Variants in CA10 observed in about 807,000 individuals in gnomAD.
CA10 encodes carbonic anhydrase 10 (inactive).
In CA10, 14 loss-of-function variants were observed where a neutral mutation model predicts 44.2. That is an observed-to-expected ratio of 0.32 (90% CI 0.21 to 0.50). The LOEUF (loss-of-function observed/expected upper bound fraction) is 0.50, where lower values mean the gene tolerates loss of function less well. Ranked by LOEUF, CA10 falls within the 20% of genes least tolerant of loss-of-function variation. The probability of loss-of-function intolerance (pLI) is 0.99; values close to 1 mark genes in which losing one functional copy is unlikely to be tolerated. For synonymous variants in CA10, 159 were observed against 141.6 expected (o/e 1.12, Z -0.87); for missense variants, 350 against 409.7 (o/e 0.85, Z 1.26).
At chr17:51,690,191 G>A (rs556949720) in intron 4 of CA10, among the ~76,000 whole-genome samples, 12 of 152,138 alleles carry the variant, frequency 7.9e-5, no homozygotes, top group South Asian at 6.2e-4. Context: ...CAGGTGATCC[G>A]CCTGCCTTGG....
intron 2 of CA10, among the ~76,000 whole-genome samples, chr17:51,988,350 C>CA (rs1449380448): frequency 2.6e-5 from 4 of 151,768 alleles, no homozygotes; most frequent in Non-Finnish European, 4.4e-5. Context: ...ATGAAGCAGT[C>CA]AGTAAGATAG....
chr17:52,086,800 G>T (rs939259125), intron 1 of CA10, among the ~76,000 whole-genome samples: 4 of 151,978 alleles, frequency 2.6e-5, no homozygotes, highest in African/African-American at 9.7e-5. Context: ...TTATAAAATG[G>T]GGTCTCAAAG....
chr17:51,753,959 A>C (rs1052651468), intron 3 of CA10, among the ~76,000 whole-genome samples: 1 of 151,924 alleles, frequency 6.6e-6, no homozygotes, highest in Non-Finnish European at 1.5e-5. Context: ...TTCTCCCTCC[A>C]CAGCCTCCCA....
intron 1 of CA10, among the ~76,000 whole-genome samples, chr17:52,078,939 C>A (rs1052314400): frequency 6.6e-6 from 1 of 152,214 alleles, no homozygotes; most frequent in Admixed American, 6.5e-5. Context: ...CCATATCATT[C>A]ATTTCCACCT....
intron 3 of CA10, among the ~76,000 whole-genome samples, chr17:51,823,785 T>C (rs1907907424): frequency 6.6e-6 from 1 of 152,238 alleles, no homozygotes; most frequent in African/African-American, 2.4e-5. Flanking sequence ...GGTCCCAACC[T>C]GTCATTCCAA....
chr17:51,930,157 C>T (rs762285023), intron 3 of CA10, among the ~76,000 whole-genome samples: 21 of 152,112 alleles, frequency 1.4e-4, no homozygotes, highest in Non-Finnish European at 1.9e-4. Flanking sequence ...AAGAATCAGC[C>T]GCTGGTATTA....
At chr17:51,654,769 G>A (rs1048156054) in intron 4 of CA10, among the ~76,000 whole-genome samples, 3 of 152,098 alleles carry the variant, frequency 2.0e-5, no homozygotes, top group African/African-American at 7.2e-5. Context: ...TGTTACCCAG[G>A]ATGGTCTCCA....
At chr17:51,725,299 C>T (rs1916478969) in intron 4 of CA10, among the ~76,000 whole-genome samples, 1 of 152,232 alleles carries the variant, frequency 6.6e-6, no homozygotes, top group Non-Finnish European at 1.5e-5. Flanking sequence ...GAGAAAGGAC[C>T]AGTAAGTTGG....
At chr17:51,886,078 CA>C (rs1393691266) in intron 3 of CA10, among the ~76,000 whole-genome samples, 1 of 152,104 alleles carries the variant, frequency 6.6e-6, no homozygotes, top group African/African-American at 2.4e-5. Flanking sequence ...CTCAGGAGGA[CA>C]AAAAACTGGA....
chr17:51,842,674 G>A (rs1598076021), intron 3 of CA10, among the ~76,000 whole-genome samples: 2 of 151,854 alleles, frequency 1.3e-5, no homozygotes, highest in South Asian at 4.1e-4. Context: ...AGAGAAATAT[G>A]TATAACTGAT....
intron 3 of CA10, among the ~76,000 whole-genome samples, chr17:51,829,476 A>G (rs1340930386): frequency 6.6e-6 from 1 of 152,206 alleles, no homozygotes; most frequent in Admixed American, 6.5e-5. Flanking sequence ...GAAGGCAGCC[A>G]TGAGGAGCTA....
At chr17:51,738,320 T>C (rs1446587760) in intron 4 of CA10, among the ~76,000 whole-genome samples, 1 of 152,180 alleles carries the variant, frequency 6.6e-6, no homozygotes, top group African/African-American at 2.4e-5. Flanking sequence ...ATGGAGCAGC[T>C]AGACATCGAA....
intron 4 of CA10, among the ~76,000 whole-genome samples, chr17:51,720,321 T>A (rs1044013244): frequency 3.3e-5 from 5 of 152,194 alleles, no homozygotes; most frequent in African/African-American, 9.6e-5. Flanking sequence ...CATGCCTGAA[T>A]AAGAGTATCT....
chr17:51,648,945 C>G (rs1405220843), intron 6 of CA10, among the ~76,000 whole-genome samples: 1 of 151,230 alleles, frequency 6.6e-6, no homozygotes, highest in Non-Finnish European at 1.5e-5. Context: ...ATAACGATGA[C>G]CACCATAGTC....
chr17:51,700,270 A>G (rs774652531), intron 4 of CA10, among the ~76,000 whole-genome samples: 13 of 152,162 alleles, frequency 8.5e-5, no homozygotes, highest in Non-Finnish European at 1.0e-4. Context: ...TCCTCAGTGC[A>G]GCAGCCAGAG....
chr17:51,658,493 G>C (rs917614094), intron 4 of CA10, among the ~76,000 whole-genome samples: 1 of 152,206 alleles, frequency 6.6e-6, no homozygotes, highest in African/African-American at 2.4e-5. Flanking sequence ...GCTAACATTT[G>C]AGCTGAATCC....
intron 3 of CA10, among the ~76,000 whole-genome samples, chr17:51,890,676 T>C (rs1980816653): frequency 6.6e-6 from 1 of 152,202 alleles, no homozygotes; most frequent in East Asian, 1.9e-4. Context: ...TTTGAAAATT[T>C]GGACTCAAAC....
chr17:52,104,736 A>T (rs1156298122), intron 1 of CA10, among the ~76,000 whole-genome samples: 3 of 151,912 alleles, frequency 2.0e-5, no homozygotes, highest in Non-Finnish European at 1.5e-5. Context: ...AGAGGCATTC[A>T]CCCTCTCCCA....
At position 52,079,497 on chromosome 17, in the gene CA10, G is replaced by A. The variant is rs1051867444; in HGVS notation, c.62-7104C>T. Among the ~76,000 whole-genome samples the A allele has an allele frequency of 2.0e-5, 3 of 152,060 alleles. No homozygotes were observed. The East Asian group carries it at 5.8e-4, about 29-fold the overall frequency. ...ATTCCATTATTTATGCAAAAGCTTA[G>A]TACATAATAAGTGCCAGAAAAATAT... On this transcript the variant is annotated intron_variant, in intron 1 of 8. Coordinates refer to ENST00000451037, the MANE Select transcript of CA10 (RefSeq NM_020178.5).
Sources: allele counts gnomAD v4.1 joint callset (sites outside exome capture counted in the v4.1 genomes callset), GRCh38; gene constraint gnomAD v4.1.1; transcripts MANE v1.5; gene names NCBI Gene and HGNC (gene_info 2026-07-23, HGNC 2026-07-21).